The following CNGA3 variants were observed in gnomAD, a reference collection of about 807,000 sequenced individuals.
CNGA3 encodes cyclic nucleotide-gated channel alpha-3.
In CNGA3, 42 loss-of-function variants were observed where a neutral mutation model predicts 46.6. The ratio of observed to expected loss-of-function variants is 0.90; its 90% CI spans 0.70 to 1.17. The LOEUF (loss-of-function observed/expected upper bound fraction) is 1.17. CNGA3 is among the 50% of genes most tolerant of loss of function. The probability of loss-of-function intolerance (pLI) is 0.00; values close to 1 mark genes in which losing one functional copy is unlikely to be tolerated. For missense variants in CNGA3, 893 were observed against 890.7 expected (o/e 1.00, Z -0.03); for synonymous variants, 394 against 369.4 (o/e 1.07, Z -0.76).
At chr2:98,359,787 T>G (rs561343271) in intron 1 of CNGA3, among the ~76,000 whole-genome samples, 3 of 152,178 alleles carry the variant, frequency 2.0e-5, no homozygotes, top group Non-Finnish European at 4.4e-5. Context: ...AGCTGCTCCT[T>G]GGCCATCCTT....
intron 5 of CNGA3, among the ~76,000 whole-genome samples, chr2:98,388,685 G>A (rs1202774332): frequency 6.6e-6 from 1 of 152,218 alleles, no homozygotes; most frequent in African/African-American, 2.4e-5. Context: ...GAAGCATTTC[G>A]TTTGCCCTCA....
chr2:98,366,935 G>T (rs528698647), intron 1 of CNGA3, among the ~76,000 whole-genome samples: 1 of 152,142 alleles, frequency 6.6e-6, no homozygotes, highest in Non-Finnish European at 1.5e-5. Context: ...CATGGAAAAA[G>T]CGTGGTTTCC....
chr2:98,360,124 C>T (rs549165053), intron 1 of CNGA3, among the ~76,000 whole-genome samples: 3 of 152,232 alleles, frequency 2.0e-5, no homozygotes, highest in Non-Finnish European at 4.4e-5. Flanking sequence ...GATTTTTAGT[C>T]AATCCTGGCT....
At chr2:98,384,503 TTTTTTCTA>T (rs1387237140) in intron 5 of CNGA3, among the ~76,000 whole-genome samples, 1 of 152,224 alleles carries the variant, frequency 6.6e-6, no homozygotes, top group Non-Finnish European at 1.5e-5. Context: ...CAGCTAGAAC[TTTTTTCTA>T]TTTTCTCCAT....
At chr2:98,384,173 C>A (rs528184166) in intron 5 of CNGA3, among the ~76,000 whole-genome samples, 109 of 152,318 alleles carry the variant, frequency 7.2e-4, no homozygotes, top group African/African-American at 2.4e-3. Context: ...CAGGCATGAG[C>A]CACTGCGCCT....
At chr2:98,366,871 C>T (rs752262988) in intron 1 of CNGA3, among the ~76,000 whole-genome samples, 1 of 152,340 alleles carries the variant, frequency 6.6e-6, no homozygotes, top group East Asian at 1.9e-4. Flanking sequence ...AGACCCAAGG[C>T]CCTGGTGGTG....
At chr2:98,381,315 A>G (rs2104208428) in intron 4 of CNGA3, among the ~76,000 whole-genome samples, 2 of 152,272 alleles carry the variant, frequency 1.3e-5, no homozygotes, top group East Asian at 3.9e-4. Flanking sequence ...AGGGGATCAA[A>G]TAAGCATGAT....
rs207462093 is a variant in CNGA3, at chr2:98,396,754, C to T, written c.1584C>T (p.Ala528=). The T allele has an allele frequency of 6.8e-6, 11 of 1,614,120 alleles. No homozygotes were observed. Among genetic ancestry groups the T allele is most frequent in the Non-Finnish European group, 7.6e-6 (9 of 1,180,030 alleles). ...ACATCATCAACGAGGGCAAGCTGGC[C>T]GTGGTGGCTGATGATGGGGTCACCC... The part of the protein sequence containing the change: ...EMYIINEGKL[A]VVADDGVTQF... Residue 528 remains alanine, a synonymous_variant, in exon 8 of 8, where the codon GCC becomes GCT. Transcript: ENST00000272602.
At position 98,365,949 on chromosome 2, in the gene CNGA3, T is replaced by C. The variant is rs149365965; in HGVS notation, c.-37-3990T>C. Among the ~76,000 whole-genome samples the C allele has an allele frequency of 3.9e-5, 6 of 152,314 alleles. No individual in the cohort carries two copies. The East Asian group carries it at 1.2e-3, about 29-fold the overall frequency. On this transcript the variant is annotated intron_variant, in intron 1 of 7. Transcript: ENST00000272602. Reference sequence around the variant, plus strand: ...CAGTTCTGTGCCCTTGGTGGAGATGTGTTGTGATCATTTGGAGGAGAAGAG... The same window carrying C: ...CAGTTCTGTGCCCTTGGTGGAGATGCGTTGTGATCATTTGGAGGAGAAGAG...
chr2:98,393,756 A>C (rs1692845392), intron 7 of CNGA3, among the ~76,000 whole-genome samples: 2 of 152,106 alleles, frequency 1.3e-5, no homozygotes, highest in Admixed American at 1.3e-4. Context: ...ACCAAGATTC[A>C]GCAGGAAGCT....
In CNGA3 at chr2:98,396,204, A is replaced by G. The variant is rs780411290; in HGVS notation, c.1034A>G (p.His345Arg). The change falls in exon 8 of 8, where the codon CAT becomes CGT. Residue 345 changes from histidine to arginine, a missense_variant. His to Arg is a conservative substitution (Grantham distance 29, BLOSUM62 0). Coordinates refer to ENST00000272602, the MANE Select transcript of CNGA3 (RefSeq NM_001298.3). ...WVYPNISIPE[H>R]GRLSRKYIYS... ...TACCCAAACATCTCAATCCCAGAGC[A>G]TGGGCGCCTCTCCAGGAAGTACATT... The G allele has an allele frequency of 1.5e-5, 24 of 1,614,054 alleles. No individual in the cohort carries two copies. In the Admixed American group the frequency reaches 3.7e-4, roughly 25 times the overall value.
At chr2:98,354,728 T>C (rs1418223135) in intron 1 of CNGA3, among the ~76,000 whole-genome samples, 1 of 152,202 alleles carries the variant, frequency 6.6e-6, no homozygotes, top group Non-Finnish European at 1.5e-5. Context: ...AAGGCTGCAG[T>C]GAGCGGTAAT....
rs62156264 is a variant in CNGA3 at position 98,348,003 on chromosome 2, G to A, written c.-38+1469G>A. Among the ~76,000 whole-genome samples, 3 of 151,716 alleles carry A rather than the reference G, an allele frequency of 2.0e-5. No individual in the cohort carries two copies. The East Asian group carries it at 5.8e-4, about 29-fold the overall frequency. ...GAGGAGAGATGGTCACTTGTGTGTGGTATCCACCAACTGGGTCTTCTACGC... is the reference window on the plus strand; with the variant it reads ...GAGGAGAGATGGTCACTTGTGTGTGATATCCACCAACTGGGTCTTCTACGC... On this transcript the variant is annotated intron_variant, in intron 1 of 7. Coordinates refer to ENST00000272602, the MANE Select transcript of CNGA3 (RefSeq NM_001298.3).
intron 4 of CNGA3, among the ~76,000 whole-genome samples, chr2:98,380,957 T>C (rs1692524542): frequency 6.6e-6 from 1 of 150,396 alleles, no homozygotes; most frequent in Non-Finnish European, 1.5e-5. Context: ...GCTTGCTTTC[T>C]GGAGGGAAAA....
chr2:98,394,386 G>C (rs1169790816), intron 7 of CNGA3, among the ~76,000 whole-genome samples: 1 of 152,164 alleles, frequency 6.6e-6, no homozygotes, highest in Non-Finnish European at 1.5e-5. Flanking sequence ...AAGGAAAGCT[G>C]TGTTCCTGGA....
chr2:98,367,571 G>T (rs1187216633), intron 1 of CNGA3, among the ~76,000 whole-genome samples: 1 of 151,930 alleles, frequency 6.6e-6, no homozygotes, highest in African/African-American at 2.4e-5. Flanking sequence ...TTCTTATGTT[G>T]GTCCTAAAGT....
intron 7 of CNGA3, among the ~76,000 whole-genome samples, chr2:98,393,226 G>C (rs988411808): frequency 5.9e-5 from 9 of 151,474 alleles, no homozygotes; most frequent in African/African-American, 1.9e-4. Flanking sequence ...GCAAGACCTT[G>C]TCTCAAAAAA....
At chr2:98,376,868 C>T (rs1159689054) in intron 2 of CNGA3, among the ~76,000 whole-genome samples, 2 of 152,168 alleles carry the variant, frequency 1.3e-5, no homozygotes, top group Non-Finnish European at 2.9e-5. Flanking sequence ...GGAAAATATT[C>T]CCAGACGCAT....
In CNGA3 at chr2:98,394,298, G is replaced by T. The variant is rs148837384; in HGVS notation, c.674-1546G>T. The stretch of plus-strand genomic sequence containing the variant: ...GCTCTAGGTGTCCAGCCCATCTCCA[G>T]ACCAGTCAGATTCTTTGGGGGTGGG... On this transcript the variant is annotated intron_variant, in intron 7 of 7. Transcript: ENST00000272602. Among the ~76,000 whole-genome samples the T allele has an allele frequency of 8.2e-4, 125 of 152,244 alleles. No homozygotes were observed. The East Asian group carries it at 9.8e-3, about 12-fold the overall frequency.
Sources: allele counts gnomAD v4.1 joint callset (sites outside exome capture counted in the v4.1 genomes callset), GRCh38; gene constraint gnomAD v4.1.1; transcripts MANE v1.5; gene names NCBI Gene and HGNC (gene_info 2026-07-23, HGNC 2026-07-21).